Variants in IRAG2 observed in about 807,000 individuals in gnomAD.
The protein encoded by IRAG2 is lymphoid restricted membrane protein.
Under a neutral mutation model 69.9 loss-of-function variants are expected in IRAG2, and 45 were observed. That is an observed-to-expected ratio of 0.64 (90% confidence interval 0.51 to 0.83). IRAG2 has a LOEUF of 0.83. Among genes scored for constraint, IRAG2 ranks in the 40% least tolerant of loss-of-function variants. The pLI, the probability that IRAG2 is intolerant of heterozygous loss-of-function variation, is 0.00. For synonymous variants in IRAG2, 193 were observed against 202.4 expected, an observed-to-expected ratio of 0.95 and a Z score of 0.40; for missense variants, 520 against 587.0, an observed-to-expected ratio of 0.89 and a Z score of 1.18.
intron 11 of IRAG2, chr12:25,032,257 T>G: frequency 2.5e-6 from 1 of 399,032 alleles, no homozygotes; most frequent in Admixed American, 4.4e-5. Context: ...TAAATGTAAA[T>G]TCCCCACTAG....
At chr12:25,095,555 G>A (rs1230474687) in intron 14 of IRAG2, among the ~76,000 whole-genome samples, 1 of 151,986 alleles carries the variant, frequency 6.6e-6, no homozygotes, top group African/African-American at 2.4e-5. Context: ...GTAGTATTTT[G>A]TTGAGAATGT....
intron 1 of IRAG2, among the ~76,000 whole-genome samples, chr12:25,060,671 T>A (rs1218968609): frequency 2.9e-5 from 4 of 140,064 alleles, no homozygotes; most frequent in African/African-American, 1.1e-4. Context: ...GTATTTTCTT[T>A]TTTTTTTTTT....
Sources: allele counts gnomAD v4.1 joint callset (sites outside exome capture counted in the v4.1 genomes callset), GRCh38; gene constraint gnomAD v4.1.1; transcripts MANE v1.5; gene names NCBI Gene and HGNC (gene_info 2026-07-23, HGNC 2026-07-21).